LRIT3: variants seen among roughly 807,000 people sequenced by gnomAD.
The protein encoded by LRIT3 is leucine rich repeat, Ig-like and transmembrane domains 3.
A neutral mutation model predicts 22.6 loss-of-function variants in LRIT3; 14 were observed. That is an observed-to-expected ratio of 0.62 (90% confidence interval 0.41 to 0.97). The LOEUF (loss-of-function observed/expected upper bound fraction) is 0.97, where lower values mean the gene tolerates loss of function less well. LRIT3 is among the 50% of genes least tolerant of loss of function. The pLI, the probability that LRIT3 is intolerant of heterozygous loss-of-function variation, is 0.00. For synonymous variants in LRIT3, 306 were observed against 304.5 expected, an observed-to-expected ratio of 1.01 and a Z score of -0.05; for missense variants, 783 against 803.0, an observed-to-expected ratio of 0.98 and a Z score of 0.30.
At position 109,870,654 on chromosome 4, in the gene LRIT3, G is replaced by C; in HGVS notation, c.1905G>C (p.Arg635Ser). The C allele has an allele frequency of 6.2e-7, 1 of 1,614,096 alleles. No individual in the cohort carries two copies. The highest frequency in any genetic ancestry group is 2.2e-5 in the East Asian group (1 of 44,852). The change falls in exon 4 of 4, where the codon AGG becomes AGC. Residue 635 changes from arginine (R) to serine (S), a missense_variant. Coordinates refer to ENST00000594814, the MANE Select transcript of LRIT3 (RefSeq NM_198506.5). ...TCCAATTTGAGACCCTGTTTCCCAG[G>C]TCTCAAAGTGTAGGTGAGCTCTGGA... ...TYIQFETLFP[R>S]SQSVGELWTR...
At chr4:109,853,149 A>T (rs1405498581) in intron 2 of LRIT3, among the ~76,000 whole-genome samples, 2 of 152,160 alleles carry the variant, frequency 1.3e-5, no homozygotes, top group Admixed American at 6.5e-5. Context: ...GTCCTTGAGG[A>T]ATTGCCACAC....
At chr4:109,853,939 G>A (rs1230704087) in intron 2 of LRIT3, among the ~76,000 whole-genome samples, 2 of 152,108 alleles carry the variant, frequency 1.3e-5, no homozygotes, top group African/African-American at 4.8e-5. Context: ...TGTTCCATTT[G>A]TCTATATATC....
At chr4:109,860,477 A>T (rs1734510054) in intron 2 of LRIT3, among the ~76,000 whole-genome samples, 1 of 152,172 alleles carries the variant, frequency 6.6e-6, no homozygotes, top group Non-Finnish European at 1.5e-5. Context: ...CTCTTTCTAT[A>T]GCTGGCAGAG....
chr4:109,866,837 C>G (rs11940838), intron 2 of LRIT3, among the ~76,000 whole-genome samples: 1 of 152,158 alleles, frequency 6.6e-6, no homozygotes. Context: ...GTGAGACATC[C>G]TGAAGATGCT....
intron 2 of LRIT3, among the ~76,000 whole-genome samples, chr4:109,859,703 AG>A (rs1734488919): frequency 6.6e-6 from 1 of 152,168 alleles, no homozygotes; most frequent in African/African-American, 2.4e-5. Flanking sequence ...TTCCATTCCC[AG>A]AGCTATGAAC....
chr4:109,856,375 A>G (rs949247280), intron 2 of LRIT3, among the ~76,000 whole-genome samples: 3 of 152,174 alleles, frequency 2.0e-5, no homozygotes, highest in South Asian at 2.1e-4. Flanking sequence ...AATTTTACAC[A>G]TGAACAATAA....
intron 2 of LRIT3, among the ~76,000 whole-genome samples, chr4:109,863,744 C>T (rs1184484447): frequency 1.3e-5 from 2 of 152,166 alleles, no homozygotes; most frequent in Non-Finnish European, 2.9e-5. Flanking sequence ...ATCCATAAAA[C>T]GATGGCAGGC....
chr4:109,869,592 T>C (rs1431519482), intron 3 of LRIT3, 53 bp from the exon 4 acceptor site: 1 of 1,496,084 alleles, frequency 6.7e-7, no homozygotes, highest in African/African-American at 1.4e-5. Context: ...GTTGGCATGG[T>C]GGCTTGAATT....
At chr4:109,865,674 G>A (rs1016159231) in intron 2 of LRIT3, among the ~76,000 whole-genome samples, 1 of 152,164 alleles carries the variant, frequency 6.6e-6, no homozygotes, top group African/African-American at 2.4e-5. Context: ...AGCAAGAAAG[G>A]TTAAAGGTCA....
Position 109,867,923 on chromosome 4 carries a change from A to G in LRIT3, c.872A>G (p.Asp291Gly), listed in dbSNP as rs780410364. ...CCACAGATCACATGGACCAGATCTG[A>G]CAGCTCGCCAGTTAATTATACAGGT... is the stretch of plus-strand genomic sequence containing the variant. Reference protein sequence around the residue: ...PTPQITWTRSDSSPVNYTVIQ... With the variant: ...PTPQITWTRSGSSPVNYTVIQ... Residue 291 changes from aspartate (D) to glycine (G), a missense_variant, in exon 3 of 4, where the codon GAC (aspartate) becomes GGC (glycine). Transcript: ENST00000594814. 2 of 1,610,860 alleles carry G rather than the reference A, an allele frequency of 1.2e-6. No individual in the cohort carries two copies. The highest frequency in any genetic ancestry group is 1.3e-5 in the African/African-American group (1 of 74,858).
intron 2 of LRIT3, among the ~76,000 whole-genome samples, chr4:109,863,576 A>T (rs1734601404): frequency 6.6e-6 from 1 of 152,188 alleles, no homozygotes; most frequent in Non-Finnish European, 1.5e-5. Flanking sequence ...ATTCTGCACT[A>T]TCTTTTCAAG....
At chr4:109,848,787 G>A (rs1003617677) in intron 1 of LRIT3, among the ~76,000 whole-genome samples, 4 of 152,188 alleles carry the variant, frequency 2.6e-5, no homozygotes, top group Admixed American at 2.6e-4. Flanking sequence ...TGAAGTTAGA[G>A]AGGTTAATAG....
intron 2 of LRIT3, among the ~76,000 whole-genome samples, chr4:109,858,237 A>G (rs193302747): frequency 1.1e-3 from 167 of 152,272 alleles, no homozygotes; most frequent in Admixed American, 1.8e-3. Flanking sequence ...AGTTTTTAAC[A>G]GTCTATAGAG....
rs1196456110 is a variant in LRIT3, at chr4:109,870,218, T to C, written c.1469T>C (p.Leu490Pro). ...LTETNAAIEN[L>P]RVVSETKESV... ...GAGACAAATGCCGCAATAGAAAACC[T>C]CAGGGTGGTCAGTGAGACTAAAGAG... Residue 490 changes from leucine (L) to proline (P), a missense_variant, in exon 4 of 4, where the codon CTC becomes CCC. Transcript: ENST00000594814. 6.2e-7 allele frequency: 1 copy of C among 1,614,142 alleles called. No individual in the cohort carries two copies. Among genetic ancestry groups the C allele is most frequent in the African/African-American group, 1.3e-5 (1 of 75,028 alleles).
intron 1 of LRIT3, 40 bp from the exon 2 acceptor site, chr4:109,851,464 G>C: frequency 6.8e-7 from 1 of 1,474,796 alleles, no homozygotes; most frequent in Non-Finnish European, 9.0e-7. Flanking sequence ...ATGGGTGTTG[G>C]AAAGTGAGTT....
intron 2 of LRIT3, 152 bp from the exon 3 acceptor site, chr4:109,867,489 G>A (rs1052966263): frequency 4.5e-6 from 3 of 662,520 alleles, no homozygotes; most frequent in Non-Finnish European, 7.7e-6. Flanking sequence ...CTGGATTGCA[G>A]AGCAAAACTG....
intron 2 of LRIT3, among the ~76,000 whole-genome samples, chr4:109,856,338 A>G (rs966355113): frequency 1.3e-5 from 2 of 152,188 alleles, no homozygotes; most frequent in Admixed American, 1.3e-4. Flanking sequence ...GGCGCTGATC[A>G]TGATTGGATT....
chr4:109,851,548 A>G lies in LRIT3; in HGVS notation c.161A>G (p.Asn54Ser), dbSNP rs746690023. ...ATGGATATGAACGAGCTGCCTACGA[A>G]CCTCCCCGTGGACACTGTGAAGCTT... ...NDMDMNELPT[N>S]LPVDTVKLRI... The change falls in exon 2 of 4, where the codon AAC becomes AGC. Residue 54 changes from asparagine to serine, a missense_variant. Physicochemically the swap from Asn to Ser is conservative, Grantham distance 46. This residue lies in a region of LRIT3 where 756 missense variants were observed against 753.8 expected (regional missense o/e 1.00). Transcript: ENST00000594814. 16 of 1,550,522 alleles carry G rather than the reference A, an allele frequency of 1.0e-5. No individual in the cohort carries two copies. Among genetic ancestry groups the G allele is most frequent in the Non-Finnish European group, 1.4e-5 (16 of 1,146,194 alleles).
chr4:109,870,513 C>G lies in LRIT3; in HGVS notation c.1764C>G (p.Thr588=). 6 of 1,614,156 alleles carry G rather than the reference C, an allele frequency of 3.7e-6. No homozygotes were observed. The highest frequency in any genetic ancestry group is 5.1e-6 in the Non-Finnish European group (6 of 1,180,024). ...DSQWSLLLVV[T]STACVVILPL... is the part of the protein sequence containing the mutation. ...AATGGTCTCTCCTTCTCGTGGTGACCAGTACTGCCTGTGTTGTTATCTTAC... is the reference window on the plus strand; with the variant it reads ...AATGGTCTCTCCTTCTCGTGGTGACGAGTACTGCCTGTGTTGTTATCTTAC... The change falls in exon 4 of 4, where the codon ACC becomes ACG. Residue 588 remains threonine, a synonymous_variant. Coordinates refer to ENST00000594814, the MANE Select transcript of LRIT3 (RefSeq NM_198506.5).
Sources: allele counts gnomAD v4.1 joint callset (sites outside exome capture counted in the v4.1 genomes callset), GRCh38; gene constraint gnomAD v4.1.1; regional missense constraint gnomAD v4.1.1; transcripts MANE v1.5; gene names NCBI Gene and HGNC (gene_info 2026-07-23, HGNC 2026-07-21).